PLPPR1: variants seen among roughly 807,000 people sequenced by gnomAD.
PLPPR1 encodes the protein phospholipid phosphatase related 1.
Under a neutral mutation model 33.1 loss-of-function variants are expected in PLPPR1, and 10 were observed. That is an observed-to-expected ratio of 0.30 (90% confidence interval 0.19 to 0.51). The LOEUF (loss-of-function observed/expected upper bound fraction) is 0.51, where lower values mean the gene tolerates loss of function less well. Among genes scored for constraint, PLPPR1 ranks in the 20% least tolerant of loss-of-function variants. The probability of loss-of-function intolerance (pLI) is 0.97; values close to 1 mark genes in which losing one functional copy is unlikely to be tolerated. For missense variants in PLPPR1, 304 were observed against 408.1 expected (o/e 0.74, Z 2.20); for synonymous variants, 151 against 151.0 (o/e 1.00, Z 0.00).
At chr9:101,300,452 T>C (rs1482627675) in intron 4 of PLPPR1, among the ~76,000 whole-genome samples, 1 of 152,158 alleles carries the variant, frequency 6.6e-6, no homozygotes, top group African/African-American at 2.4e-5. Context: ...ATTATAGGTG[T>C]GAGCAGAAAC....
At chr9:101,189,990 G>A (rs1826267793) in intron 2 of PLPPR1, among the ~76,000 whole-genome samples, 1 of 152,058 alleles carries the variant, frequency 6.6e-6, no homozygotes, top group Non-Finnish European at 1.5e-5. Flanking sequence ...GTTTAGCCGA[G>A]CTTACTTCTT....
At chr9:101,215,715 C>T (rs977224668) in intron 2 of PLPPR1, among the ~76,000 whole-genome samples, 1 of 152,082 alleles carries the variant, frequency 6.6e-6, no homozygotes, top group Admixed American at 6.5e-5. Context: ...TTTTTTACCT[C>T]TCACGTATGA....
intron 1 of PLPPR1, among the ~76,000 whole-genome samples, chr9:101,140,671 C>G (rs1362486607): frequency 6.6e-6 from 1 of 152,088 alleles, no homozygotes; most frequent in African/African-American, 2.4e-5. Flanking sequence ...TTGTTATACC[C>G]TTAGATAGTG....
chr9:101,118,231 G>C (rs924588503), intron 1 of PLPPR1, among the ~76,000 whole-genome samples: 1 of 152,202 alleles, frequency 6.6e-6, no homozygotes, highest in African/African-American at 2.4e-5. Flanking sequence ...CTTCACAGAT[G>C]GGACATAGGT....
intron 7 of PLPPR1, 70 bp downstream of exon 7, chr9:101,317,566 G>A (rs1829081007): frequency 2.1e-6 from 3 of 1,423,790 alleles, no homozygotes; most frequent in Non-Finnish European, 2.9e-6. Flanking sequence ...ATCAATCCAT[G>A]AATACCACTT....
intron 1 of PLPPR1, among the ~76,000 whole-genome samples, chr9:101,035,100 T>C (rs1829993619): frequency 6.6e-6 from 1 of 152,172 alleles, no homozygotes; most frequent in South Asian, 2.1e-4. Flanking sequence ...CAGATTGTTT[T>C]AGGGAAACGA....
chr9:101,252,578 T>G lies in PLPPR1; in HGVS notation c.64-17302T>G, dbSNP rs910867031. On this transcript the variant is annotated intron_variant, in intron 2 of 7. Coordinates refer to ENST00000374874, the MANE Select transcript of PLPPR1 (RefSeq NM_207299.2). ...ATTTTTAAAGGAAAATGAGAACATC[T>G]GAGTCTCTTTGCAACATTGAGATTT... Among the ~76,000 whole-genome samples, 5 of 152,286 alleles carry G rather than the reference T, an allele frequency of 3.3e-5. No homozygotes were observed. The East Asian group carries it at 9.7e-4, about 29-fold the overall frequency.
At position 101,034,962 on chromosome 9, in the gene PLPPR1, C is replaced by A. The variant is rs556320526; in HGVS notation, c.-46+5860C>A. Among the ~76,000 whole-genome samples the A allele has an allele frequency of 5.3e-5, 8 of 152,204 alleles. No individual in the cohort carries two copies. The East Asian group carries it at 1.5e-3, about 29-fold the overall frequency. On this transcript the variant is annotated intron_variant, in intron 1 of 7. Coordinates refer to ENST00000374874, the MANE Select transcript of PLPPR1 (RefSeq NM_207299.2). ...AGTAGACATGTGCTGGAAGTACCTG[C>A]CAATAACACTTGCCTAGTTGCCCAC...
chr9:101,057,371 G>A (rs1027165862), intron 1 of PLPPR1, among the ~76,000 whole-genome samples: 2 of 151,950 alleles, frequency 1.3e-5, no homozygotes, highest in African/African-American at 4.8e-5. Flanking sequence ...AATATCATTT[G>A]GAAACCTATT....
chr9:101,293,512 C>A (rs1304611302), intron 4 of PLPPR1, among the ~76,000 whole-genome samples: 6 of 150,820 alleles, frequency 4.0e-5, no homozygotes, highest in South Asian at 2.1e-4. Flanking sequence ...TTTTTTCAGC[C>A]CCACACCACA....
At chr9:101,073,352 C>A (rs768507969) in intron 1 of PLPPR1, among the ~76,000 whole-genome samples, 1 of 151,942 alleles carries the variant, frequency 6.6e-6, no homozygotes, top group Non-Finnish European at 1.5e-5. Flanking sequence ...TGCAAAGGGC[C>A]GCTAATCAGG....
At chr9:101,178,753 G>A (rs1459752666) in intron 1 of PLPPR1, among the ~76,000 whole-genome samples, 1 of 152,136 alleles carries the variant, frequency 6.6e-6, no homozygotes, top group East Asian at 1.9e-4. Flanking sequence ...GGCCATGTAT[G>A]CTCCGAATCA....
At chr9:101,294,367 A>T (rs1165927862) in intron 4 of PLPPR1, among the ~76,000 whole-genome samples, 13 of 151,976 alleles carry the variant, frequency 8.6e-5, no homozygotes, top group Non-Finnish European at 1.9e-4. Context: ...GAATTCTACC[A>T]GAGGTACAAG....
chr9:101,061,017 C>A (rs1047320208), intron 1 of PLPPR1, among the ~76,000 whole-genome samples: 7 of 151,870 alleles, frequency 4.6e-5, no homozygotes, highest in African/African-American at 7.2e-5. Context: ...AGTATGAAGA[C>A]TTGTCACCTT....
Position 101,046,435 on chromosome 9 carries a change from C to CTTT in PLPPR1, c.-46+17353_-46+17355dup, listed in dbSNP as rs527884198. On this transcript the variant is annotated intron_variant, in intron 1 of 7. Coordinates refer to ENST00000374874, the MANE Select transcript of PLPPR1 (RefSeq NM_207299.2). ...CCAATTTTTCTTTACCTCTTTTATT[C>CTTT]TTTTTTTTTTTTTTTTTTTTTTGAG... 6.8e-3 allele frequency among the ~76,000 whole-genome samples: 795 copies of CTTT among 116,716 alleles called. 9 individuals are homozygous for CTTT. The highest frequency in any genetic ancestry group is 8.5e-3 in the Non-Finnish European group (489 of 57,762). The allele number at this position is 116,716 out of a possible 152,430, so 76.6% of individuals were successfully genotyped here.
intron 2 of PLPPR1, among the ~76,000 whole-genome samples, chr9:101,190,815 A>C (rs1384452700): frequency 6.6e-6 from 1 of 152,156 alleles, no homozygotes; most frequent in Admixed American, 6.5e-5. Flanking sequence ...CTGGAGAGAG[A>C]ACAAAGTTTG....
intron 1 of PLPPR1, among the ~76,000 whole-genome samples, chr9:101,063,572 T>G (rs1278987711): frequency 2.0e-5 from 3 of 152,102 alleles, no homozygotes; most frequent in African/African-American, 7.2e-5. Context: ...GGTAGAACAC[T>G]AGCTGTTTCT....
intron 2 of PLPPR1, among the ~76,000 whole-genome samples, chr9:101,220,244 T>A (rs1826901769): frequency 6.6e-6 from 1 of 152,214 alleles, no homozygotes; most frequent in South Asian, 2.1e-4. Context: ...CTCTTCTAGA[T>A]GATACTTCTA....
At chr9:101,246,230 G>C (rs899472542) in intron 2 of PLPPR1, among the ~76,000 whole-genome samples, 1 of 151,216 alleles carries the variant, frequency 6.6e-6, no homozygotes, top group African/African-American at 2.4e-5. Context: ...AAGACACTGA[G>C]GCCAACTTAA....
Sources: gnomAD v4.1 joint callset for allele counts (sites outside exome capture counted in the v4.1 genomes callset) on GRCh38, gnomAD v4.1.1 for gene constraint, MANE v1.5 for transcripts, NCBI Gene and HGNC (gene_info 2026-07-23, HGNC 2026-07-21) for gene names.